The following CADM2 variants were observed in gnomAD, a reference collection of about 807,000 sequenced individuals.
CADM2 encodes the protein cell adhesion molecule 2.
Under a neutral mutation model 49.8 loss-of-function variants are expected in CADM2, and 12 were observed. The ratio of observed to expected loss-of-function variants is 0.24; its 90% CI spans 0.15 to 0.39. CADM2 has a LOEUF of 0.39. Ranked by LOEUF, CADM2 falls within the 10% of genes least tolerant of loss-of-function variation. The probability of loss-of-function intolerance (pLI) is 1.00; values close to 1 mark genes in which losing one functional copy is unlikely to be tolerated. For synonymous variants in CADM2, 214 were observed against 175.4 expected, an observed-to-expected ratio of 1.22 and a Z score of -1.74; for missense variants, 378 against 492.3, an observed-to-expected ratio of 0.77 and a Z score of 2.20.
intron 1 of CADM2, among the ~76,000 whole-genome samples, chr3:85,167,293 T>C (rs1349062125): frequency 6.6e-6 from 1 of 152,066 alleles, no homozygotes; most frequent in African/African-American, 2.4e-5. Context: ...AGCTCTTAAT[T>C]CCATTTAGCA....
At chr3:85,757,686 G>T (rs2069188361) in intron 2 of CADM2, among the ~76,000 whole-genome samples, 1 of 152,120 alleles carries the variant, frequency 6.6e-6, no homozygotes, top group Admixed American at 6.6e-5. Context: ...ACATAGTATT[G>T]TAGATTCTAG....
At chr3:85,408,010 CAAAA>C (rs372349246) in intron 1 of CADM2, among the ~76,000 whole-genome samples, 1 of 56,176 alleles carries the variant, frequency 1.8e-5, no homozygotes, top group East Asian at 7.4e-4. Flanking sequence ...AAAACAAAAC[CAAAA>C]AAAAAAAAAA....
chr3:85,096,856 G>A (rs2037816369), intron 1 of CADM2, among the ~76,000 whole-genome samples: 1 of 151,946 alleles, frequency 6.6e-6, no homozygotes, highest in Non-Finnish European at 1.5e-5. Context: ...TTTCTTAATT[G>A]CTTTTGTTTA....
chr3:85,096,203 T>C (rs966027016), intron 1 of CADM2, among the ~76,000 whole-genome samples: 5 of 152,190 alleles, frequency 3.3e-5, no homozygotes, highest in African/African-American at 1.2e-4. Flanking sequence ...CATCAGAATA[T>C]TCACATATCT....
chr3:85,453,674 A>G (rs370811848), intron 1 of CADM2, among the ~76,000 whole-genome samples: 10 of 152,258 alleles, frequency 6.6e-5, no homozygotes, highest in East Asian at 5.8e-4. Flanking sequence ...TGAATGTTTT[A>G]TTACATTTTA....
intron 1 of CADM2, among the ~76,000 whole-genome samples, chr3:85,557,286 A>G (rs1369707138): frequency 6.6e-6 from 1 of 152,014 alleles, no homozygotes; most frequent in Non-Finnish European, 1.5e-5. Flanking sequence ...TTTGTAGCTA[A>G]CAGGAATATT....
intron 3 of CADM2, among the ~76,000 whole-genome samples, chr3:85,880,017 G>C (rs1712502485): frequency 6.6e-6 from 1 of 152,088 alleles, no homozygotes; most frequent in African/African-American, 2.4e-5. Flanking sequence ...CATCGCCCCT[G>C]CCATCCCTAG....
intron 8 of CADM2, among the ~76,000 whole-genome samples, chr3:86,034,888 G>T (rs1447465580): frequency 6.6e-6 from 1 of 151,602 alleles, no homozygotes; most frequent in African/African-American, 2.4e-5. Flanking sequence ...TTTAATATCT[G>T]GCCAATCTTT....
chr3:85,716,099 T>G (rs986756842), intron 1 of CADM2, among the ~76,000 whole-genome samples: 1 of 152,226 alleles, frequency 6.6e-6, no homozygotes, highest in Non-Finnish European at 1.5e-5. Flanking sequence ...CCACAATGTT[T>G]GAACTAATTT....
In CADM2 at chr3:85,359,662, A is replaced by AT. The variant is rs71108279; in HGVS notation, c.62-366859dup. Reference sequence around the variant, plus strand: ...CATATATATATATATATATATATATATATATTTTTTTTTTTGGTGGAGGGG... The same window carrying AT: ...CATATATATATATATATATATATATATTATATTTTTTTTTTTGGTGGAGGGG... On this transcript the variant is annotated intron_variant, in intron 1 of 9. Transcript: ENST00000383699. Among the ~76,000 whole-genome samples, 192 of 25,920 alleles carry AT rather than the reference A, an allele frequency of 7.4e-3. 7 individuals carry two copies. Among genetic ancestry groups the AT allele is most frequent in the Middle Eastern group, 0.026 (1 of 38 alleles). 17.0% of individuals were successfully genotyped at this position (25,920 alleles called of 152,430 possible).
At chr3:85,531,603 C>G (rs2061310014) in intron 1 of CADM2, among the ~76,000 whole-genome samples, 1 of 152,132 alleles carries the variant, frequency 6.6e-6, no homozygotes, top group South Asian at 2.1e-4. Flanking sequence ...ATTTGCAACT[C>G]TCTGGTTTTT....
At chr3:85,017,788 G>A (rs2034316627) in intron 1 of CADM2, among the ~76,000 whole-genome samples, 1 of 152,064 alleles carries the variant, frequency 6.6e-6, no homozygotes, top group East Asian at 1.9e-4. Flanking sequence ...TTTCAGGCTT[G>A]TTTTCGTGAC....
intron 8 of CADM2, chr3:85,993,856 A>G (rs973719352): frequency 4.6e-5 from 7 of 152,058 alleles, no homozygotes; most frequent in Admixed American, 3.3e-4. Context: ...TCAATAAAAC[A>G]TGCTATAAAT....
At chr3:86,031,370 T>A (rs1474474945) in intron 8 of CADM2, among the ~76,000 whole-genome samples, 1 of 151,850 alleles carries the variant, frequency 6.6e-6, no homozygotes, top group African/African-American at 2.4e-5. Context: ...CATCTGAGCC[T>A]GAATGTGATT....
chr3:85,392,517 A>G (rs991165996), intron 1 of CADM2, among the ~76,000 whole-genome samples: 48 of 152,194 alleles, frequency 3.2e-4, no homozygotes, highest in Middle Eastern at 3.4e-3. Flanking sequence ...AGTATGTGCC[A>G]TCTAAGTCTT....
chr3:85,875,130 C>A (rs1057104507), intron 3 of CADM2, among the ~76,000 whole-genome samples: 3 of 152,054 alleles, frequency 2.0e-5, no homozygotes, highest in Non-Finnish European at 4.4e-5. Context: ...GTTGTCTTTA[C>A]CAATTTTCCA....
At chr3:85,802,324 A>C (rs2072100003) in intron 3 of CADM2, 128 bp downstream of exon 3, 1 of 771,288 alleles carries the variant, frequency 1.3e-6, no homozygotes, top group African/African-American at 1.8e-5. Context: ...GTATTTAAAC[A>C]TGTTAAATAT....
chr3:85,667,182 C>T (rs2065595448), intron 1 of CADM2, among the ~76,000 whole-genome samples: 1 of 151,908 alleles, frequency 6.6e-6, no homozygotes, highest in Admixed American at 6.6e-5. Context: ...GAGGAAATCA[C>T]TTTAAATTCA....
intron 1 of CADM2, among the ~76,000 whole-genome samples, chr3:85,194,461 G>T (rs779549216): frequency 4.6e-5 from 7 of 152,106 alleles, no homozygotes; most frequent in Admixed American, 2.0e-4. Context: ...ACCAAGAAAT[G>T]CTTGTTAGAA....
Sources: allele counts gnomAD v4.1 joint callset (sites outside exome capture counted in the v4.1 genomes callset), GRCh38; gene constraint gnomAD v4.1.1; transcripts MANE v1.5; gene names NCBI Gene and HGNC (gene_info 2026-07-23, HGNC 2026-07-21).